Variants in USP36 observed in about 807,000 individuals in gnomAD.
USP36 encodes the protein ubiquitin specific peptidase 36.
A neutral mutation model predicts 111.5 loss-of-function variants in USP36; 59 were observed. The observed-to-expected ratio is 0.53, with a 90% CI of 0.43 to 0.66. The LOEUF (loss-of-function observed/expected upper bound fraction) is 0.66, where lower values mean the gene tolerates loss of function less well. Among genes scored for constraint, USP36 ranks in the 30% least tolerant of loss-of-function variants. The probability of loss-of-function intolerance (pLI) is 0.00; values close to 1 mark genes in which losing one functional copy is unlikely to be tolerated. For missense variants in USP36, 1,488 were observed against 1,468.0 expected, an observed-to-expected ratio of 1.01 and a Z score of -0.22; for synonymous variants, 628 against 581.0, an observed-to-expected ratio of 1.08 and a Z score of -1.16.
chr17:78,838,148 G>A (rs1290752628), intron 2 of USP36, among the ~76,000 whole-genome samples: 4 of 151,976 alleles, frequency 2.6e-5, no homozygotes, highest in Admixed American at 2.0e-4. Context: ...TTGGGAGGCC[G>A]AGACGGGTGG....
chr17:78,794,643 G>A (rs927722118), downstream of USP36, among the ~76,000 whole-genome samples: 1 of 152,190 alleles, frequency 6.6e-6, no homozygotes, highest in Non-Finnish European at 1.5e-5. Context: ...GGAAAAGCCT[G>A]TCAGGCGCGG....
chr17:78,803,565 T>C lies in USP36; in HGVS notation c.2630A>G (p.Glu877Gly). 3.7e-6 allele frequency: 6 copies of C among 1,613,410 alleles called. No homozygotes were observed. The highest frequency in any genetic ancestry group is 5.1e-6 in the Non-Finnish European group (6 of 1,180,004). ...RQPGSPMYRR[E>G]GQAQLPAVRR... ...GACAGCGGGCAGCTGTGCCTGGCCC[T>C]CCCTCCTGTACATGGGGCTCCCAGG... The change falls in exon 16 of 21, where the codon GAG (glutamate) becomes GGG (glycine). Residue 877 changes from glutamate (E) to glycine (G), a missense_variant. Physicochemically the swap from Glu to Gly is moderately conservative, Grantham distance 98. Coordinates refer to ENST00000449938, the MANE Select transcript of USP36 (RefSeq NM_001385174.1). This position sits in a 1 kb window ranked among gnomAD's most constrained non-coding sequence, Gnocchi z 4.6.
rs760415964 is a variant in USP36 at position 78,803,788 on chromosome 17, C to T, written c.2407G>A (p.Glu803Lys). The T allele has an allele frequency of 3.7e-6, 6 of 1,612,820 alleles. No individual in the cohort carries two copies. Among genetic ancestry groups the T allele is most frequent in the Non-Finnish European group, 5.1e-6 (6 of 1,179,980 alleles). The change falls in exon 16 of 21, where the codon GAG becomes AAG. Residue 803 changes from glutamate to lysine, a missense_variant. Transcript: ENST00000449938. This position sits in a 1 kb window ranked among gnomAD's most constrained non-coding sequence, Gnocchi z 4.6. The stretch of plus-strand genomic sequence containing the variant: ...TTCTCAGAGGGGCTCTGGGGGGGCT[C>T]ACTGGCCTCTGGCAACTGGTGTGGA... ...SLPHQLPEAS[E>K]PPQSPSEKRK... is the part of the protein sequence containing the mutation.
At chr17:78,838,539 A>G (rs1010200661) in intron 2 of USP36, 48 bp downstream of exon 2, 2 of 152,388 alleles carry the variant, frequency 1.3e-5, no homozygotes, top group African/African-American at 4.8e-5. Flanking sequence ...CGTCACATGC[A>G]GACAATTCAA....
intron 15 of USP36, 34 bp downstream of exon 15, chr17:78,806,122 G>A (rs1174943205): frequency 3.1e-6 from 5 of 1,611,860 alleles, no homozygotes; most frequent in Non-Finnish European, 4.2e-6. Context: ...GGGAGAACCA[G>A]TTGGCACCCA....
intron 9 of USP36, chr17:78,819,013 A>T: frequency 6.9e-6 from 3 of 436,672 alleles, no homozygotes; most frequent in East Asian, 4.5e-5. Flanking sequence ...CAAAAAAATA[A>T]AAGTACTGTA....
At chr17:78,813,727 A>G (rs2094120809) in intron 12 of USP36, 46 bp downstream of exon 12, 3 of 1,560,188 alleles carry the variant, frequency 1.9e-6, no homozygotes, top group Non-Finnish European at 2.6e-6. Flanking sequence ...GTATAAGAAA[A>G]GAGCAGAGGG....
At chr17:78,836,432 T>G in intron 2 of USP36, 60 bp from the exon 3 acceptor site, 2 of 1,569,838 alleles carry the variant, frequency 1.3e-6, no homozygotes. Flanking sequence ...CAAAAACATC[T>G]CTTAAGATCT....
At chr17:78,824,109 CCTCCTGGAGGAA>C (rs2067315061) in intron 6 of USP36, among the ~76,000 whole-genome samples, 1 of 152,222 alleles carries the variant, frequency 6.6e-6, no homozygotes, top group Non-Finnish European at 1.5e-5. Flanking sequence ...ACACAGCTGC[CCTCCTGGAGGAA>C]CTTATGAGAG....
At chr17:78,812,119 C>T (rs2094074066) in intron 13 of USP36, among the ~76,000 whole-genome samples, 1 of 151,812 alleles carries the variant, frequency 6.6e-6, no homozygotes, top group African/African-American at 2.4e-5. Flanking sequence ...TCCAGGAGCT[C>T]AAGCCTGCCC....
At chr17:78,836,450 G>A in intron 2 of USP36, 78 bp from the exon 3 acceptor site, 4 of 1,528,700 alleles carry the variant, frequency 2.6e-6, no homozygotes, top group Non-Finnish European at 3.5e-6. Context: ...TCTCCTCTTT[G>A]GTCATTATGG....
intron 2 of USP36, among the ~76,000 whole-genome samples, chr17:78,836,799 A>G (rs1036010682): frequency 1.3e-4 from 4 of 30,784 alleles, no homozygotes; most frequent in Non-Finnish European, 2.4e-4. Flanking sequence ...ACACACACGG[A>G]CACACACACA....
chr17:78,822,854 T>A (rs1462136875), intron 6 of USP36, among the ~76,000 whole-genome samples: 1 of 152,206 alleles, frequency 6.6e-6, no homozygotes, highest in Non-Finnish European at 1.5e-5. Flanking sequence ...CAGCTGGGTC[T>A]GCAGGCCCTT....
intron 4 of USP36, among the ~76,000 whole-genome samples, chr17:78,830,514 A>T (rs1387395994): frequency 2.6e-5 from 4 of 152,222 alleles, no homozygotes. Context: ...TCTAAAGTAC[A>T]CGCTCAGAAG....
downstream of USP36, chr17:78,792,070 A>G (rs993125477): frequency 2.6e-5 from 4 of 152,492 alleles, no homozygotes; most frequent in African/African-American, 4.8e-5. Flanking sequence ...GGAGGTCAAC[A>G]GTGTCAAATC....
At chr17:78,821,110 T>A (rs2094308165) in intron 7 of USP36, 49 bp from the exon 8 acceptor site, 2 of 1,542,728 alleles carry the variant, frequency 1.3e-6, no homozygotes, top group African/African-American at 1.4e-5. Context: ...GCAGAGGCAC[T>A]CCCAGCTCCC....
intron 8 of USP36, among the ~76,000 whole-genome samples, chr17:78,820,355 T>C (rs1248316470): frequency 6.6e-6 from 1 of 152,154 alleles, no homozygotes; most frequent in East Asian, 1.9e-4. Context: ...TGCATGCCTG[T>C]AGTACCAGCT....
Position 78,828,881 on chromosome 17 carries a change from A to T in USP36, c.586+16T>A. On this transcript the variant is annotated intron_variant, in intron 5 of 20. Coordinates refer to ENST00000449938, the MANE Select transcript of USP36 (RefSeq NM_001385174.1). ...ATAAATAAATCACAAAAATTTTAAC[A>T]TGGATTGATGCTTACTTTTCAGGTC... is the stretch of plus-strand genomic sequence containing the variant. The T allele has an allele frequency of 1.9e-6, 3 of 1,609,210 alleles. No homozygotes were observed. Among genetic ancestry groups the T allele is most frequent in the Non-Finnish European group, 2.5e-6 (3 of 1,178,308 alleles).
chr17:78,812,786 A>G (rs1289193765), intron 13 of USP36, 74 bp downstream of exon 13: 9 of 1,555,774 alleles, frequency 5.8e-6, no homozygotes, highest in South Asian at 3.5e-5. Flanking sequence ...ACTGTGGCCA[A>G]CTTCCCAAGT....
Sources: allele counts gnomAD v4.1 joint callset (sites outside exome capture counted in the v4.1 genomes callset), GRCh38; gene constraint gnomAD v4.1.1; non-coding constraint Gnocchi (gnomAD v3.1); transcripts MANE v1.5; gene names NCBI Gene and HGNC (gene_info 2026-07-23, HGNC 2026-07-21).